FRMD4B: variants seen among roughly 807,000 people sequenced by gnomAD.
FRMD4B encodes FERM domain containing 4B, also known as FERM domain-containing protein 4B.
In FRMD4B, 74 loss-of-function variants were observed where a neutral mutation model predicts 141.5. The ratio of observed to expected loss-of-function variants is 0.52; its 90% CI spans 0.43 to 0.63. The LOEUF (loss-of-function observed/expected upper bound fraction) is 0.63, where lower values mean the gene tolerates loss of function less well. Ranked by LOEUF, FRMD4B falls within the 30% of genes least tolerant of loss-of-function variation. The pLI is 0.00. For missense variants in FRMD4B, 1,366 were observed against 1,253.4 expected (o/e 1.09, Z -1.36); for synonymous variants, 506 against 467.9 (o/e 1.08, Z -1.05).
At chr3:69,244,743 A>G (rs1385620893) in intron 7 of FRMD4B, among the ~76,000 whole-genome samples, 1 of 149,878 alleles carries the variant, frequency 6.7e-6, no homozygotes, top group Non-Finnish European at 1.5e-5. Flanking sequence ...AAAATACAAA[A>G]ATTAGCCGGG....
rs559504756 is a variant in FRMD4B, at chr3:69,229,659, G to GA, written c.582-4970dup. ...GAAGTAGAATTCCAAATGGCCAACAGAAAAAAGTGTTCATCTTCATAAGTT... is the reference window on the plus strand; with the variant it reads ...GAAGTAGAATTCCAAATGGCCAACAGAAAAAAAGTGTTCATCTTCATAAGTT... On this transcript the variant is annotated intron_variant, in intron 7 of 22. Transcript: ENST00000398540. 5.8e-4 allele frequency among the ~76,000 whole-genome samples: 89 copies of GA among 152,188 alleles called. No individual in the cohort carries two copies. The South Asian group carries it at 7.5e-3, about 13-fold the overall frequency.
intron 1 of FRMD4B, among the ~76,000 whole-genome samples, chr3:69,352,969 A>G (rs1210361690): frequency 6.6e-6 from 1 of 152,142 alleles, no homozygotes; most frequent in Non-Finnish European, 1.5e-5. Flanking sequence ...CCCCAAACAC[A>G]TCTTGCTGAT....
At chr3:69,289,154 A>G (rs1700793631) in intron 4 of FRMD4B, among the ~76,000 whole-genome samples, 1 of 152,178 alleles carries the variant, frequency 6.6e-6, no homozygotes, top group Non-Finnish European at 1.5e-5. Flanking sequence ...GAGTTGGGGG[A>G]AAAATAGGTT....
chr3:69,170,306 AT>A lies in FRMD4B; in HGVS notation c.*1554del, dbSNP rs1317959696. The A allele has an allele frequency of 3.3e-5, 5 of 152,228 alleles. No homozygotes were observed. Among genetic ancestry groups the A allele is most frequent in the Admixed American group, 6.5e-5 (1 of 15,280 alleles). 9.4% of individuals were successfully genotyped at this position (152,228 alleles called of 1,614,324 possible). ...TTTGTTTATTGACCTATGTAAAAAA[AT>A]AATAGGTCTTGAAAAGTCAGAACAA... On this transcript the variant is annotated 3_prime_UTR_variant, in exon 23 of 23. Coordinates refer to ENST00000398540, the MANE Select transcript of FRMD4B (RefSeq NM_015123.3).
At chr3:69,407,436 T>A (rs1575790984) in intron 2 of FRMD4B, among the ~76,000 whole-genome samples, 2 of 152,324 alleles carry the variant, frequency 1.3e-5, no homozygotes, top group African/African-American at 2.4e-5. Context: ...GGAGGCATTT[T>A]TCATACAACA....
At chr3:69,244,594 T>C (rs927454217) in intron 7 of FRMD4B, among the ~76,000 whole-genome samples, 8 of 147,396 alleles carry the variant, frequency 5.4e-5, no homozygotes, top group African/African-American at 1.8e-4. Context: ...GATGGCACCA[T>C]TGCACTTCAG....
chr3:69,488,833 C>T (rs1273721946), intron 1 of FRMD4B, among the ~76,000 whole-genome samples: 1 of 139,354 alleles, frequency 7.2e-6, no homozygotes, highest in Non-Finnish European at 1.5e-5. Context: ...GCAGAGGTTG[C>T]AGTGAGCCGA....
Position 69,171,288 on chromosome 3 carries a change from A to C in FRMD4B, c.*573T>G, listed in dbSNP as rs929200735. The C allele has an allele frequency of 1.3e-5, 2 of 152,280 alleles. No individual in the cohort carries two copies. Among genetic ancestry groups the C allele is most frequent in the African/African-American group, 4.8e-5 (2 of 41,438 alleles). 9.4% of individuals were successfully genotyped at this position (152,280 alleles called of 1,614,324 possible). The stretch of plus-strand genomic sequence containing the variant: ...ATCACTCTTTATAGTATCCTAAAAA[A>C]CATTTACACTCATTCAGAACTTCAT... On this transcript the variant is annotated 3_prime_UTR_variant, in exon 23 of 23. Coordinates refer to ENST00000398540, the MANE Select transcript of FRMD4B (RefSeq NM_015123.3).
intron 1 of FRMD4B, among the ~76,000 whole-genome samples, chr3:69,366,305 T>G (rs1455905444): frequency 3.3e-5 from 5 of 151,850 alleles, no homozygotes; most frequent in East Asian, 1.9e-4. Flanking sequence ...GACAACAACT[T>G]AATGTCCATC....
chr3:69,351,929 C>T (rs6791625), intron 1 of FRMD4B, among the ~76,000 whole-genome samples: 83 of 152,332 alleles, frequency 5.4e-4, no homozygotes, highest in African/African-American at 2.0e-3. Flanking sequence ...TTGTCCACCA[C>T]CCATCACCCT....
chr3:69,501,890 G>A (rs1195794633), intron 1 of FRMD4B, among the ~76,000 whole-genome samples: 1 of 152,110 alleles, frequency 6.6e-6, no homozygotes, highest in Non-Finnish European at 1.5e-5. Flanking sequence ...ACCAAAAACA[G>A]ACAAACAGAG....
chr3:69,453,532 G>C (rs1414863411), intron 1 of FRMD4B, among the ~76,000 whole-genome samples: 1 of 152,186 alleles, frequency 6.6e-6, no homozygotes, highest in Non-Finnish European at 1.5e-5. Flanking sequence ...CCAAACTCTG[G>C]CTCTCAAAGC....
rs527293040 is a variant in FRMD4B at position 69,268,208 on chromosome 3, A to G, written c.502-18109T>C. Among the ~76,000 whole-genome samples the G allele has an allele frequency of 5.9e-5, 9 of 152,108 alleles. No homozygotes were observed. The East Asian group carries it at 1.7e-3, about 29-fold the overall frequency. ...CCTCCTTATAAACTTTTGTGCCAACATATTTTCAAAGTAAGGGAGTGAGTG... is the reference window on the plus strand; with the variant it reads ...CCTCCTTATAAACTTTTGTGCCAACGTATTTTCAAAGTAAGGGAGTGAGTG... On this transcript the variant is annotated intron_variant, in intron 5 of 22. Transcript: ENST00000398540.
At chr3:69,235,764 A>G (rs566204556) in intron 7 of FRMD4B, among the ~76,000 whole-genome samples, 4 of 152,300 alleles carry the variant, frequency 2.6e-5, no homozygotes, top group South Asian at 2.1e-4. Context: ...CCCTTTCTCT[A>G]CAGGCATATT....
At chr3:69,215,282 C>CTTTTTTT (rs1559724064) in intron 11 of FRMD4B, among the ~76,000 whole-genome samples, 5 of 37,494 alleles carry the variant, frequency 1.3e-4, no homozygotes, top group African/African-American at 3.3e-4. Flanking sequence ...GATTGTGACC[C>CTTTTTTT]TCTTTTTTTT....
chr3:69,434,128 G>A (rs183778724), intron 1 of FRMD4B, among the ~76,000 whole-genome samples: 1 of 152,302 alleles, frequency 6.6e-6, no homozygotes, highest in African/African-American at 2.4e-5. Flanking sequence ...ACCAAGCAGT[G>A]TCTAATGTCA....
intron 6 of FRMD4B, among the ~76,000 whole-genome samples, chr3:69,249,500 C>T (rs2093447411): frequency 2.6e-5 from 4 of 152,186 alleles, no homozygotes; most frequent in African/African-American, 7.2e-5. Context: ...AATTATTTCT[C>T]ACTGTACGTT....
intron 11 of FRMD4B, among the ~76,000 whole-genome samples, chr3:69,211,180 G>A (rs1227970885): frequency 2.6e-5 from 4 of 152,048 alleles, no homozygotes; most frequent in African/African-American, 4.8e-5. Context: ...TAATGATGAT[G>A]GCGTATCAGC....
intron 5 of FRMD4B, among the ~76,000 whole-genome samples, chr3:69,273,769 C>T (rs1392642036): frequency 1.3e-5 from 2 of 152,016 alleles, no homozygotes; most frequent in Admixed American, 1.3e-4. Context: ...AAAGATGAAC[C>T]TGGGTCTTAA....
Sources: gnomAD v4.1 joint callset for allele counts (sites outside exome capture counted in the v4.1 genomes callset) on GRCh38, gnomAD v4.1.1 for gene constraint, MANE v1.5 for transcripts, NCBI Gene and HGNC (gene_info 2026-07-23, HGNC 2026-07-21) for gene names.